Variants in ATP13A4 observed in about 807,000 individuals in gnomAD.
ATP13A4 encodes the protein probable cation-transporting ATPase 13A4.
In ATP13A4, 114 loss-of-function variants were observed where a neutral mutation model predicts 142.5. The ratio of observed to expected loss-of-function variants is 0.80; its 90% CI spans 0.69 to 0.93. The LOEUF is 0.93. ATP13A4 is among the 40% of genes least tolerant of loss of function. ATP13A4 has a pLI of 0.00. For synonymous variants in ATP13A4, 488 were observed against 514.8 expected, an observed-to-expected ratio of 0.95 and a Z score of 0.70; for missense variants, 1,392 against 1,454.0, an observed-to-expected ratio of 0.96 and a Z score of 0.69.
In ATP13A4 at chr3:193,412,288, A is replaced by C. The variant is rs1304262141; in HGVS notation, c.3098T>G (p.Phe1033Cys). The change falls in exon 27 of 30, where the codon TTC (phenylalanine) becomes TGC (cysteine). Residue 1033 changes from phenylalanine (F) to cysteine (C), a missense_variant. Physicochemically the swap from Phe to Cys is radical, Grantham distance 205 (BLOSUM62 -2). Transcript: ENST00000342695. ...GACTGTAGTGTTCTCAAAACTTGTG[A>C]AGGTGCTATTACTTTCCATTTTTTC... is the stretch of plus-strand genomic sequence containing the variant. ...APEKMESNST[F>C]TSFENTTVWF... 2 of 1,613,794 alleles carry C rather than the reference A, an allele frequency of 1.2e-6. No homozygotes were observed. Among genetic ancestry groups the C allele is most frequent in the South Asian group, 2.2e-5 (2 of 91,074 alleles).
chr3:193,502,664 C>T (rs1194526768), intron 2 of ATP13A4, 25 bp from the exon 3 acceptor site: 3 of 1,611,060 alleles, frequency 1.9e-6, no homozygotes, highest in African/African-American at 2.7e-5. Context: ...ATCAAAACCC[C>T]CAAGAAGTTA....
intron 1 of ATP13A4, among the ~76,000 whole-genome samples, chr3:193,527,480 C>T (rs756697442): frequency 6.6e-6 from 1 of 151,960 alleles, no homozygotes; most frequent in African/African-American, 2.4e-5. Flanking sequence ...GGCATGGTGA[C>T]ATGTGCCTGT....
rs1346049047 is a variant in ATP13A4, at chr3:193,400,669, T to G, written c.*1983A>C. On this transcript the variant is annotated 3_prime_UTR_variant, in exon 30 of 30. Coordinates refer to ENST00000342695, the MANE Select transcript of ATP13A4 (RefSeq NM_032279.4). Reference sequence around the variant, plus strand: ...CCATTACTGAATCTCAGCTTTCTCATCTGTATGGTGGAGATGATAAGCCCT... The same window carrying G: ...CCATTACTGAATCTCAGCTTTCTCAGCTGTATGGTGGAGATGATAAGCCCT... 1.3e-5 allele frequency among the ~76,000 whole-genome samples: 2 copies of G among 152,122 alleles called. No homozygotes were observed. Among genetic ancestry groups the G allele is most frequent in the Admixed American group, 1.3e-4 (2 of 15,270 alleles).
rs555763579 is a variant in ATP13A4 at position 193,418,078 on chromosome 3, C to T, written c.2843-3328G>A. On this transcript the variant is annotated intron_variant, in intron 25 of 29. Transcript: ENST00000342695. Reference sequence around the variant, plus strand: ...CAGAGCTTGCAGTGAGCCGAGATCCCGCCACTGCACTCCAGCCTGGGCGAC... The same window carrying T: ...CAGAGCTTGCAGTGAGCCGAGATCCTGCCACTGCACTCCAGCCTGGGCGAC... 4.1e-4 allele frequency among the ~76,000 whole-genome samples: 44 copies of T among 107,976 alleles called. 2 individuals carry two copies. Among genetic ancestry groups the T allele is most frequent in the Admixed American group, 1.5e-3 (11 of 7,126 alleles). 70.8% of individuals were successfully genotyped at this position (107,976 alleles called of 152,430 possible). A position where few individuals can be genotyped will look rare whatever the true frequency, so the allele number is the denominator to read the frequency against.
intron 2 of ATP13A4, among the ~76,000 whole-genome samples, chr3:193,566,090 T>C (rs1335093957): frequency 6.6e-6 from 1 of 152,138 alleles, no homozygotes; most frequent in African/African-American, 2.4e-5. Flanking sequence ...CACGAACCTG[T>C]GCGGCTACTG....
At chr3:193,445,130 C>A (rs1452573047) in intron 18 of ATP13A4, among the ~76,000 whole-genome samples, 1 of 152,132 alleles carries the variant, frequency 6.6e-6, no homozygotes, top group African/African-American at 2.4e-5. Context: ...ACAGATGAAA[C>A]CTGCTTTAAA....
intron 1 of ATP13A4, among the ~76,000 whole-genome samples, chr3:193,539,214 G>C (rs1722753176): frequency 6.6e-6 from 1 of 152,126 alleles, no homozygotes; most frequent in Admixed American, 6.6e-5. Flanking sequence ...AAAACAGTCA[G>C]TGGGCCATAT....
chr3:193,554,963 A>G, upstream of ATP13A4: 1 of 1,556,194 alleles, frequency 6.4e-7, no homozygotes, highest in Non-Finnish European at 8.7e-7. Flanking sequence ...ACAAATGACA[A>G]TACTTGGCAA....
At chr3:193,414,786 C>G (rs377163550) in intron 25 of ATP13A4, 36 bp from the exon 26 acceptor site, 1 of 1,596,548 alleles carries the variant, frequency 6.3e-7, no homozygotes, top group Non-Finnish European at 8.6e-7. Context: ...TTTATGAGAG[C>G]AGGAAAATGT....
chr3:193,456,129 T>C (rs1328368833), intron 16 of ATP13A4, among the ~76,000 whole-genome samples: 1 of 152,008 alleles, frequency 6.6e-6, no homozygotes, highest in East Asian at 1.9e-4. Flanking sequence ...TGACACAAGT[T>C]TACCTATGTA....
chr3:193,436,441 T>C (rs773464363), intron 23 of ATP13A4, among the ~76,000 whole-genome samples: 16 of 152,094 alleles, frequency 1.1e-4, no homozygotes, highest in Non-Finnish European at 1.9e-4. Flanking sequence ...GTTACACTTT[T>C]TAAATTTAAA....
At chr3:193,473,013 T>C (rs1718711657) in intron 8 of ATP13A4, among the ~76,000 whole-genome samples, 1 of 152,260 alleles carries the variant, frequency 6.6e-6, no homozygotes, top group South Asian at 2.1e-4. Flanking sequence ...TTCTTGTTTA[T>C]ACACCAATAG....
At chr3:193,495,802 T>C (rs1269453016) in intron 3 of ATP13A4, among the ~76,000 whole-genome samples, 1 of 152,088 alleles carries the variant, frequency 6.6e-6, no homozygotes, top group Admixed American at 6.6e-5. Flanking sequence ...TTTTTGCAGA[T>C]TACATGATAT....
At chr3:193,556,745 T>C (rs990972083), upstream of ATP13A4, among the ~76,000 whole-genome samples, 3 of 152,006 alleles carry the variant, frequency 2.0e-5, no homozygotes, top group African/African-American at 7.3e-5. Context: ...GAATTATATC[T>C]CAATGAAGAG....
At position 193,554,653 on chromosome 3, in the gene ATP13A4, CGTGTGTGTGTGTGTGT is replaced by C. The variant is rs58073069; in HGVS notation, c.60+71_60+86del. The C allele has an allele frequency of 1.4e-4, 174 of 1,228,770 alleles. 1 individual carries two copies. The highest frequency in any genetic ancestry group is 4.9e-4 in the Middle Eastern group (2 of 4,050). The allele number at this position is 1,228,770 out of a possible 1,614,324, so 76.1% of individuals were successfully genotyped here. ...AAAGTCTGTGTGTGTGTGATGCGTG[CGTGTGTGTGTGTGTGT>C]GTGTGTGTGTGTGTGTGTCTCGCAG... On this transcript the variant is annotated intron_variant, in intron 1 of 29. Transcript: ENST00000342695.
Position 193,514,486 on chromosome 3 carries a change from T to C in ATP13A4, c.234+212A>G, listed in dbSNP as rs563965276. Among the ~76,000 whole-genome samples the C allele has an allele frequency of 5.3e-5, 8 of 152,240 alleles. No individual in the cohort carries two copies. In the East Asian group the frequency reaches 7.8e-4, roughly 15 times the overall value. ...TTTTATTTATCCAGTCTATCACTGATGGGCATTTAGGTTTGTTCCATGTCT... is the reference window on the plus strand; with the variant it reads ...TTTTATTTATCCAGTCTATCACTGACGGGCATTTAGGTTTGTTCCATGTCT... On this transcript the variant is annotated intron_variant, in intron 2 of 29. Transcript: ENST00000342695.
At chr3:193,457,771 TG>T (rs1717720161) in intron 14 of ATP13A4, among the ~76,000 whole-genome samples, 1 of 152,252 alleles carries the variant, frequency 6.6e-6, no homozygotes, top group Non-Finnish European at 1.5e-5. Context: ...GCCATGCACA[TG>T]AAGGGCCAGA....
Position 193,440,407 on chromosome 3 carries a change from T to C in ATP13A4, c.2519+151A>G, listed in dbSNP as rs1716559271. On this transcript the variant is annotated intron_variant, in intron 21 of 29. Transcript: ENST00000342695. ...ATGGTGAGATCCCTTGGTACTGCTA[T>C]TTTCTCCAAAGCTCCCAAGTGATTA... 3.5e-6 allele frequency: 5 copies of C among 1,429,634 alleles called. No homozygotes were observed. In the South Asian group the frequency reaches 5.2e-5, roughly 15 times the overall value. 88.6% of individuals were successfully genotyped at this position (1,429,634 alleles called of 1,614,324 possible). A position where few individuals can be genotyped will look rare whatever the true frequency, so the allele number is the denominator to read the frequency against.
At chr3:193,504,255 T>G (rs1720734999) in intron 2 of ATP13A4, among the ~76,000 whole-genome samples, 1 of 152,164 alleles carries the variant, frequency 6.6e-6, no homozygotes, top group South Asian at 2.1e-4. Context: ...AAATTTTCAA[T>G]GACTAAGTCA....
Sources: gnomAD v4.1 joint callset for allele counts (sites outside exome capture counted in the v4.1 genomes callset) on GRCh38, gnomAD v4.1.1 for gene constraint, MANE v1.5 for transcripts, NCBI Gene and HGNC (gene_info 2026-07-23, HGNC 2026-07-21) for gene names.